Variants in BABAM1 observed in about 807,000 individuals in gnomAD.
BABAM1 encodes the protein BRISC and BRCA1-A complex member 1.
Under a neutral mutation model 34.4 loss-of-function variants are expected in BABAM1, and 14 were observed. That is an observed-to-expected ratio of 0.41 (90% CI 0.27 to 0.64). The LOEUF (loss-of-function observed/expected upper bound fraction) is 0.64. Among genes scored for constraint, BABAM1 ranks in the 30% least tolerant of loss-of-function variants. The pLI, the probability that BABAM1 is intolerant of heterozygous loss-of-function variation, is 0.34. For missense variants in BABAM1, 393 were observed against 434.0 expected (o/e 0.91, Z 0.84); for synonymous variants, 169 against 165.8 (o/e 1.02, Z -0.15).
intron 3 of BABAM1, among the ~76,000 whole-genome samples, chr19:17,273,562 TTG>T (rs770767797): frequency 0.078 from 1,085 of 13,992 alleles, 67 homozygotes; most frequent in African/African-American, 0.19. Context: ...TTTGTTTGTT[TTG>T]TTTTTTTTTT....
intron 8 of BABAM1, 175 bp downstream of exon 8, chr19:17,277,084 T>C (rs115593116): frequency 1.6e-6 from 1 of 623,890 alleles, no homozygotes; most frequent in Non-Finnish European, 2.7e-6. Context: ...CTGTGACTGA[T>C]GGGGTGGCAG....
chr19:17,268,998 C>T lies in BABAM1; in HGVS notation c.192C>T (p.Asn64=). 6.3e-7 allele frequency: 1 copy of T among 1,585,242 alleles called. No individual in the cohort carries two copies. Among genetic ancestry groups the T allele is most frequent in the Non-Finnish European group, 8.6e-7 (1 of 1,166,820 alleles). Residue 64 remains asparagine (N), a synonymous_variant, in exon 2 of 9, where the codon AAC becomes AAT. Coordinates refer to ENST00000598188, the MANE Select transcript of BABAM1 (RefSeq NM_014173.4). ...CCAGTGCTGATGATGGGAGCCTCAACACTTCAGGAGCCGGCCCTAAGTCCT... is the reference window on the plus strand; with the variant it reads ...CCAGTGCTGATGATGGGAGCCTCAATACTTCAGGAGCCGGCCCTAAGTCCT... The part of the protein sequence containing the change: ...EAASADDGSL[N]TSGAGPKSWQ...
chr19:17,276,907 A>C lies in BABAM1; in HGVS notation c.784A>C (p.Lys262Gln), dbSNP rs2073916122. The change falls in exon 8 of 9, where the codon AAG becomes CAG. Residue 262 changes from lysine (K) to glutamine (Q), a missense_variant and splice_region_variant. Physicochemically the swap from Lys to Gln is moderately conservative, Grantham distance 53. Transcript: ENST00000598188. ...TEEKEEEMSW[K>Q]DMFAFMGSLD... ...GGAGAAGGAGGAGGAGATGAGTTGGAAGGTGAGAGGCTGCAGCAGGTGTGA... is the reference window on the plus strand; with the variant it reads ...GGAGAAGGAGGAGGAGATGAGTTGGCAGGTGAGAGGCTGCAGCAGGTGTGA... 6.3e-7 allele frequency: 1 copy of C among 1,594,592 alleles called. No homozygotes were observed. Among genetic ancestry groups the C allele is most frequent in the South Asian group, 1.1e-5 (1 of 87,858 alleles).
intron 5 of BABAM1, among the ~76,000 whole-genome samples, chr19:17,274,984 C>A (rs2073891870): frequency 6.6e-6 from 1 of 152,092 alleles, no homozygotes; most frequent in South Asian, 2.1e-4. Context: ...TGGCTCATTG[C>A]AACTTCCACC....
At chr19:17,272,141 A>G (rs1181880150) in intron 3 of BABAM1, among the ~76,000 whole-genome samples, 1 of 152,076 alleles carries the variant, frequency 6.6e-6, no homozygotes, top group Non-Finnish European at 1.5e-5. Flanking sequence ...GAGTTTTGCC[A>G]TGTTGGCCAG....
In BABAM1 at chr19:17,271,683, A is replaced by G. The variant is rs375985442; in HGVS notation, c.344+28A>G. ...AAGAGGGACATTTTAGGGCTTGAAC[A>G]TGCAGCCATGGCAGGGAGGGTCCAG... On this transcript the variant is annotated intron_variant, in intron 3 of 8. Coordinates refer to ENST00000598188, the MANE Select transcript of BABAM1 (RefSeq NM_014173.4). 11 of 1,610,654 alleles carry G rather than the reference A, an allele frequency of 6.8e-6. No homozygotes were observed. In the African/African-American group the frequency reaches 1.3e-4, roughly 20 times the overall value.
chr19:17,274,661 CAGTCA>C (rs148143029), intron 5 of BABAM1: 60,140 of 165,928 alleles, frequency 0.36, 11,876 homozygotes, highest in Non-Finnish European at 0.44. Flanking sequence ...ACTGGGCATA[CAGTCA>C]GTGCTCAATA....
intron 3 of BABAM1, among the ~76,000 whole-genome samples, chr19:17,273,552 TTTG>T (rs1215517745): frequency 2.4e-4 from 3 of 12,290 alleles, no homozygotes; most frequent in South Asian, 1.4e-3. Context: ...GAAGTTTTTT[TTTG>T]TTTGTTTTGT....
Position 17,276,594 on chromosome 19 carries a change from GC to G in BABAM1, c.673del (p.Gln225SerfsTer4). 1 of 1,606,630 alleles carries G rather than the reference GC, an allele frequency of 6.2e-7. No homozygotes were observed. Reference protein sequence around the residue: ...ILVYSRPPCQPQFSLTEPMKK... With the variant: ...ILVYSRPPCQXQFSLTEPMKK... ...TTGTCTACAGCCGTCCACCTTGCCAGCCCCAGTTCTCCTTGACGGAGCCCAT... is the reference window on the plus strand; with the variant it reads ...TTGTCTACAGCCGTCCACCTTGCCAGCCCAGTTCTCCTTGACGGAGCCCAT... On this transcript the variant is annotated frameshift_variant, in exon 7 of 9. Coordinates refer to ENST00000598188, the MANE Select transcript of BABAM1 (RefSeq NM_014173.4). LOFTEE classifies it high-confidence loss of function.
chr19:17,268,634 G>C (rs774465344), intron 1 of BABAM1, 160 bp from the exon 2 acceptor site: 462 of 688,952 alleles, frequency 6.7e-4, no homozygotes, highest in Non-Finnish European at 9.6e-4. Context: ...TCTCCATGTT[G>C]GTCAGGCTGG....
At chr19:17,275,244 CCATCT>C (rs1174708331) in intron 5 of BABAM1, among the ~76,000 whole-genome samples, 1 of 151,826 alleles carries the variant, frequency 6.6e-6, no homozygotes, top group Non-Finnish European at 1.5e-5. Flanking sequence ...CCATCCCATC[CCATCT>C]CTGCTCCAAA....
At chr19:17,273,847 G>A in intron 3 of BABAM1, 57 bp from the exon 4 acceptor site, 2 of 1,534,580 alleles carry the variant, frequency 1.3e-6, no homozygotes, top group Non-Finnish European at 1.8e-6. Context: ...ACAGGCGTGA[G>A]CCACTGTGCC....
chr19:17,276,619 A>T lies in BABAM1; in HGVS notation c.694A>T (p.Met232Leu), dbSNP rs1368037577. 6.2e-7 allele frequency: 1 copy of T among 1,603,998 alleles called. No individual in the cohort carries two copies. Among genetic ancestry groups the T allele is most frequent in the Non-Finnish European group, 8.5e-7 (1 of 1,175,438 alleles). Reference protein sequence around the residue: ...CQPQFSLTEPMKKMFQCPYFF... With the variant: ...CQPQFSLTEPLKKMFQCPYFF... ...GCCCCAGTTCTCCTTGACGGAGCCC[A>T]TGAAGGTGGGTGAGGCCTGGGAGAG... Residue 232 changes from methionine to leucine, a missense_variant, in exon 7 of 9, where the codon ATG (methionine) becomes TTG (leucine). By Grantham distance (15) the Met-to-Leu change is conservative. Coordinates refer to ENST00000598188, the MANE Select transcript of BABAM1 (RefSeq NM_014173.4).
intron 2 of BABAM1, among the ~76,000 whole-genome samples, chr19:17,271,150 G>A (rs1301127650): frequency 3.3e-5 from 5 of 152,096 alleles, no homozygotes; most frequent in Admixed American, 1.3e-4. Context: ...CACCACACCT[G>A]GCCAATTTTT....
chr19:17,272,741 G>A (rs972300048), intron 3 of BABAM1, among the ~76,000 whole-genome samples: 5 of 151,986 alleles, frequency 3.3e-5, no homozygotes, highest in South Asian at 2.1e-4. Context: ...AAAAGAAGCC[G>A]GGCTTGGTGG....
chr19:17,275,558 A>G (rs868818485), intron 5 of BABAM1, among the ~76,000 whole-genome samples: 16 of 152,258 alleles, frequency 1.1e-4, no homozygotes, highest in Middle Eastern at 3.4e-3. Flanking sequence ...CCAAAGTGCT[A>G]TGATTGCAGG....
chr19:17,278,918 C>T lies in BABAM1; in HGVS notation c.860C>T (p.Pro287Leu), dbSNP rs754624710. 9 of 1,613,350 alleles carry T rather than the reference C, an allele frequency of 5.6e-6. No homozygotes were observed. The highest frequency in any genetic ancestry group is 1.7e-5 in the Admixed American group (1 of 59,954). The part of the protein sequence containing the change: ...SYKYEVALAG[P>L]ALELHNCMAK... ...AAGTATGAGGTGGCACTGGCTGGGC[C>T]AGCCCTGGAGTTGCACAACTGCATG... Residue 287 changes from proline to leucine, a missense_variant, in exon 9 of 9, where the codon CCA (proline) becomes CTA (leucine). By Grantham distance (98) the Pro-to-Leu change is moderately conservative. Coordinates refer to ENST00000598188, the MANE Select transcript of BABAM1 (RefSeq NM_014173.4).
chr19:17,276,715 T>C, intron 7 of BABAM1, 91 bp downstream of exon 7: 1 of 1,554,686 alleles, frequency 6.4e-7, no homozygotes, highest in Non-Finnish European at 8.7e-7. Context: ...GAGGCTGGGG[T>C]GCCTAGAGGT....
chr19:17,271,029 C>G (rs2145613349), intron 2 of BABAM1, among the ~76,000 whole-genome samples: 1 of 148,478 alleles, frequency 6.7e-6, no homozygotes, highest in Non-Finnish European at 1.5e-5. Context: ...CACTCTGTCA[C>G]CCAGGCTGGA....
Sources: allele counts gnomAD v4.1 joint callset (sites outside exome capture counted in the v4.1 genomes callset), GRCh38; gene constraint gnomAD v4.1.1; transcripts MANE v1.5; gene names NCBI Gene and HGNC (gene_info 2026-07-23, HGNC 2026-07-21).